The following TJP1 variants were observed in gnomAD, a reference collection of about 807,000 sequenced individuals.
TJP1 encodes the protein tight junction protein ZO-1.
A neutral mutation model predicts 194.2 loss-of-function variants in TJP1; 43 were observed. The observed-to-expected ratio is 0.22, with a 90% confidence interval of 0.17 to 0.29. The LOEUF is 0.29. Ranked by LOEUF, TJP1 falls within the 10% of genes least tolerant of loss-of-function variation. The probability of loss-of-function intolerance (pLI) is 1.00; values close to 1 mark genes in which losing one functional copy is unlikely to be tolerated. For missense variants in TJP1, 1,971 were observed against 2,185.7 expected (o/e 0.90, Z 1.96); for synonymous variants, 801 against 779.0 (o/e 1.03, Z -0.47).
At chr15:29,798,793 T>C (rs1162126672) in intron 2 of TJP1, among the ~76,000 whole-genome samples, 1 of 152,178 alleles carries the variant, frequency 6.6e-6, no homozygotes, top group Admixed American at 6.5e-5. Flanking sequence ...GAACACACAA[T>C]TATACATTCA....
chr15:29,932,369 AG>A (rs2054747759), intron 2 of TJP1, among the ~76,000 whole-genome samples: 1 of 152,218 alleles, frequency 6.6e-6, no homozygotes, highest in Non-Finnish European at 1.5e-5. Flanking sequence ...ATGGTATTAT[AG>A]ATCAGTATGG....
chr15:29,719,697 A>T lies in TJP1; in HGVS notation c.3003+80T>A, dbSNP rs377309342. 5.2e-6 allele frequency: 8 copies of T among 1,534,796 alleles called. No individual in the cohort carries two copies. In the South Asian group the frequency reaches 9.0e-5, roughly 17 times the overall value. On this transcript the variant is annotated intron_variant, in intron 20 of 27. Transcript: ENST00000614355. ...CCTGCAGTAAAAAAGCAAAAGGAAC[A>T]CTTAAAGGGCAAAGCAAAAATGATC...
intron 2 of TJP1, among the ~76,000 whole-genome samples, chr15:29,926,769 T>C (rs2054540585): frequency 6.6e-6 from 1 of 152,240 alleles, no homozygotes; most frequent in African/African-American, 2.4e-5. Flanking sequence ...ACATATTTTC[T>C]GTTTCTCATT....
Position 29,719,865 on chromosome 15 carries a change from T to A in TJP1, c.2915A>T (p.Asp972Val). 3 of 1,614,142 alleles carry A rather than the reference T, an allele frequency of 1.9e-6. No homozygotes were observed. Among genetic ancestry groups the A allele is most frequent in the Non-Finnish European group, 2.5e-6 (3 of 1,180,024 alleles). The change falls in exon 20 of 28, where the codon GAT becomes GTT. Residue 972 changes from aspartate to valine, a missense_variant. Asp to Val is a radical substitution (Grantham distance 152). Coordinates refer to ENST00000614355, the MANE Select transcript of TJP1 (RefSeq NM_001330239.4). ...APSTSYSPQADSLRTPSTEAA... is the reference protein window; with the variant it reads ...APSTSYSPQAVSLRTPSTEAA... ...CTCAGTACTTGGTGTTCTTAAAGAA[T>A]CAGCTTGTGGTGAGTAAGAGGTGGA...
At chr15:29,727,864 T>C (rs2043339425) in intron 16 of TJP1, 73 bp downstream of exon 16, 3 of 1,316,644 alleles carry the variant, frequency 2.3e-6, no homozygotes, top group South Asian at 1.2e-5. Context: ...CCTTCTACTT[T>C]CAAATTAACC....
intron 2 of TJP1, among the ~76,000 whole-genome samples, chr15:29,941,990 C>A (rs560003317): frequency 6.6e-6 from 1 of 152,110 alleles, no homozygotes; most frequent in African/African-American, 2.4e-5. Context: ...TCTCCATGCC[C>A]GCCCACCAGA....
At chr15:29,845,527 TG>T (rs1408942884) in intron 2 of TJP1, among the ~76,000 whole-genome samples, 1 of 152,098 alleles carries the variant, frequency 6.6e-6, no homozygotes, top group Non-Finnish European at 1.5e-5. Flanking sequence ...TTGTACTGGC[TG>T]GGCGCAGAGG....
chr15:29,792,751 T>C (rs1330637102), intron 2 of TJP1, among the ~76,000 whole-genome samples: 2 of 152,248 alleles, frequency 1.3e-5, no homozygotes, highest in African/African-American at 4.8e-5. Context: ...CCATGGAGTA[T>C]CTTTCCACTT....
intron 4 of TJP1, among the ~76,000 whole-genome samples, chr15:29,767,333 G>A (rs1278159504): frequency 1.3e-5 from 2 of 152,142 alleles, no homozygotes; most frequent in Non-Finnish European, 2.9e-5. Context: ...TAGTTCTACA[G>A]GATCTCCTTG....
chr15:29,948,600 GTGGACGTGAGGCCTGAACTGC>G (rs1197060987), intron 2 of TJP1, among the ~76,000 whole-genome samples: 2 of 152,150 alleles, frequency 1.3e-5, no homozygotes, highest in African/African-American at 4.8e-5. Context: ...CTTTATCCTT[GTGGACGTGAGGCCTGAACTGC>G]TGCCCATGGC....
At chr15:29,914,287 T>C (rs1409789249) in intron 2 of TJP1, among the ~76,000 whole-genome samples, 2 of 152,142 alleles carry the variant, frequency 1.3e-5, no homozygotes, top group Non-Finnish European at 1.5e-5. Context: ...AACATTTGCT[T>C]ATTAAATAAA....
intron 2 of TJP1, among the ~76,000 whole-genome samples, chr15:29,846,546 G>C (rs1246966997): frequency 1.3e-5 from 2 of 152,108 alleles, no homozygotes; most frequent in African/African-American, 4.8e-5. Flanking sequence ...ACTCATTCTA[G>C]ACATATTGAA....
intron 2 of TJP1, among the ~76,000 whole-genome samples, chr15:29,941,573 C>G (rs182581323): frequency 6.6e-6 from 1 of 152,220 alleles, no homozygotes; most frequent in African/African-American, 2.4e-5. Context: ...CTCCGGTCCC[C>G]CCTCTGCCCC....
chr15:29,744,079 T>C lies in TJP1; in HGVS notation c.1011-1298A>G, dbSNP rs545907007. Among the ~76,000 whole-genome samples the C allele has an allele frequency of 4.6e-4, 70 of 152,196 alleles. 1 individual carries two copies. The highest frequency in any genetic ancestry group is 1.6e-3 in the African/African-American group (68 of 41,528). On this transcript the variant is annotated intron_variant, in intron 8 of 27. Coordinates refer to ENST00000614355, the MANE Select transcript of TJP1 (RefSeq NM_001330239.4). ...CTATAGTCCCAGCTACTCGTGAGGC[T>C]GAGGCAGGAGAATCAATTGAACCCA... is the stretch of plus-strand genomic sequence containing the variant.
chr15:29,700,639 G>A lies in TJP1; in HGVS notation c.*956C>T, dbSNP rs544942533. ...AACCAAGAACAAAAGTGGTATGCAC[G>A]CATTATGTACAAGCATCCTTAAAAC... On this transcript the variant is annotated 3_prime_UTR_variant, in exon 28 of 28. Coordinates refer to ENST00000614355, the MANE Select transcript of TJP1 (RefSeq NM_001330239.4). 12 of 374,708 alleles carry A rather than the reference G, an allele frequency of 3.2e-5. No homozygotes were observed. The highest frequency in any genetic ancestry group is 4.7e-5 in the Non-Finnish European group (10 of 213,288). 23.2% of individuals were successfully genotyped at this position (374,708 alleles called of 1,614,324 possible).
At chr15:29,835,536 G>A (rs2050996981) in intron 2 of TJP1, among the ~76,000 whole-genome samples, 1 of 152,086 alleles carries the variant, frequency 6.6e-6, no homozygotes, top group Non-Finnish European at 1.5e-5. Flanking sequence ...TGTAGTCCCA[G>A]CTACTGGCGA....
chr15:29,710,231 GA>G (rs889105577), intron 24 of TJP1, among the ~76,000 whole-genome samples: 9 of 151,934 alleles, frequency 5.9e-5, no homozygotes, highest in Admixed American at 2.0e-4. Context: ...GGGCATGTGT[GA>G]AAAAAAATCT....
intron 1 of TJP1, among the ~76,000 whole-genome samples, chr15:29,811,172 C>T (rs2049472958): frequency 6.6e-6 from 1 of 152,022 alleles, no homozygotes; most frequent in African/African-American, 2.4e-5. Context: ...GAGGGGTAGG[C>T]AGGGGCCAAA....
intron 2 of TJP1, among the ~76,000 whole-genome samples, chr15:29,901,614 G>A (rs2152198524): frequency 6.6e-6 from 1 of 152,206 alleles, no homozygotes; most frequent in East Asian, 1.9e-4. Context: ...CTGAGGTCAG[G>A]AGTTCAAGAC....
Sources: allele counts gnomAD v4.1 joint callset (sites outside exome capture counted in the v4.1 genomes callset), GRCh38; gene constraint gnomAD v4.1.1; transcripts MANE v1.5; gene names NCBI Gene and HGNC (gene_info 2026-07-23, HGNC 2026-07-21).